Variants in RSRC1 observed in about 807,000 individuals in gnomAD.
RSRC1 encodes serine/Arginine-related protein 53.
A neutral mutation model predicts 49.1 loss-of-function variants in RSRC1; 39 were observed. The ratio of observed to expected loss-of-function variants is 0.79; its 90% CI spans 0.61 to 1.04. RSRC1 has a LOEUF of 1.04. Ranked by LOEUF, RSRC1 falls within the 50% of genes least tolerant of loss-of-function variation. The pLI is 0.00. For synonymous variants in RSRC1, 143 were observed against 130.8 expected, an observed-to-expected ratio of 1.09 and a Z score of -0.63; for missense variants, 388 against 402.4, an observed-to-expected ratio of 0.96 and a Z score of 0.31.
intron 6 of RSRC1, among the ~76,000 whole-genome samples, chr3:158,437,331 A>G (rs900420271): frequency 2.6e-5 from 4 of 152,090 alleles, no homozygotes; most frequent in Non-Finnish European, 4.4e-5. Flanking sequence ...ATAATGGTTA[A>G]TTTAGTAAGC....
At chr3:158,503,852 T>C (rs1472636152) in intron 7 of RSRC1, among the ~76,000 whole-genome samples, 1 of 152,182 alleles carries the variant, frequency 6.6e-6, no homozygotes, top group Non-Finnish European at 1.5e-5. Context: ...CTGTGGAGTC[T>C]GCACACGGGA....
chr3:158,445,955 G>A (rs1328496771), intron 6 of RSRC1, among the ~76,000 whole-genome samples: 1 of 151,894 alleles, frequency 6.6e-6, no homozygotes, highest in African/African-American at 2.4e-5. Flanking sequence ...ACAAAATCTT[G>A]ACCATATTCA....
intron 5 of RSRC1, among the ~76,000 whole-genome samples, chr3:158,343,942 C>T (rs1315679072): frequency 6.6e-6 from 1 of 151,876 alleles, no homozygotes; most frequent in East Asian, 1.9e-4. Context: ...AACTATAAAC[C>T]AACAGACCCA....
intron 6 of RSRC1, among the ~76,000 whole-genome samples, chr3:158,358,122 AT>A (rs1731258943): frequency 6.6e-6 from 1 of 152,226 alleles, no homozygotes; most frequent in African/African-American, 2.4e-5. Context: ...ATTTAAAAAA[AT>A]GTACCTATAG....
chr3:158,395,842 C>A (rs1733583150), intron 6 of RSRC1, among the ~76,000 whole-genome samples: 1 of 152,024 alleles, frequency 6.6e-6, no homozygotes, highest in South Asian at 2.1e-4. Flanking sequence ...ATTACCCATA[C>A]CCAAAGATAT....
At chr3:158,391,717 C>T (rs1733306890) in intron 6 of RSRC1, among the ~76,000 whole-genome samples, 1 of 151,962 alleles carries the variant, frequency 6.6e-6, no homozygotes, top group Non-Finnish European at 1.5e-5. Flanking sequence ...GTGCCCAGAA[C>T]CTAATCCAAA....
chr3:158,243,098 G>A (rs1426425082), intron 4 of RSRC1, among the ~76,000 whole-genome samples: 1 of 152,044 alleles, frequency 6.6e-6, no homozygotes, highest in African/African-American at 2.4e-5. Flanking sequence ...ATTGTTTTTG[G>A]TGTCTTTGTC....
In RSRC1 at chr3:158,226,785, T is replaced by A. The variant is rs115568519; in HGVS notation, c.494+23540T>A. On this transcript the variant is annotated intron_variant, in intron 4 of 9. Transcript: ENST00000611884. ...TCCCTTTTCTGTATCCACCCAGAGT[T>A]TCATCTTTTTAGACTGTCCATAACA... Among the ~76,000 whole-genome samples the A allele has an allele frequency of 7.6e-3, 1,162 of 151,984 alleles. 21 individuals are homozygous for A. The highest frequency in any genetic ancestry group is 0.026 in the African/African-American group (1,091 of 41,476).
chr3:158,455,302 T>C (rs751193861), intron 6 of RSRC1, among the ~76,000 whole-genome samples: 5 of 152,098 alleles, frequency 3.3e-5, no homozygotes, highest in African/African-American at 4.8e-5. Flanking sequence ...GGGATGAGGG[T>C]TGTTAAAGCC....
At chr3:158,537,048 C>A in intron 7 of RSRC1, 44 bp from the exon 8 acceptor site, 1 of 1,268,886 alleles carries the variant, frequency 7.9e-7, no homozygotes, top group Non-Finnish European at 1.2e-6. Flanking sequence ...GTGTTATTAA[C>A]ATGCTTACAC....
chr3:158,268,010 T>C (rs933381994), intron 4 of RSRC1, among the ~76,000 whole-genome samples: 2 of 152,142 alleles, frequency 1.3e-5, no homozygotes, highest in Admixed American at 6.5e-5. Context: ...CTGTCTAATA[T>C]TTCTGTACTG....
At chr3:158,407,478 T>C (rs1188254318) in intron 6 of RSRC1, among the ~76,000 whole-genome samples, 2 of 152,186 alleles carry the variant, frequency 1.3e-5, no homozygotes, top group Non-Finnish European at 1.5e-5. Flanking sequence ...AAGACCACAT[T>C]TGGCTAATAG....
intron 6 of RSRC1, among the ~76,000 whole-genome samples, chr3:158,438,457 G>C (rs925070410): frequency 6.6e-6 from 1 of 152,086 alleles, no homozygotes; most frequent in South Asian, 2.1e-4. Flanking sequence ...CGTGATACTG[G>C]TACCAAAACA....
intron 5 of RSRC1, among the ~76,000 whole-genome samples, chr3:158,337,517 A>G (rs1312357831): frequency 6.6e-6 from 1 of 152,214 alleles, no homozygotes; most frequent in African/African-American, 2.4e-5. Context: ...AATGATGATG[A>G]GTTCCTGCAA....
At chr3:158,369,898 AC>A (rs1731973845) in intron 6 of RSRC1, among the ~76,000 whole-genome samples, 1 of 152,102 alleles carries the variant, frequency 6.6e-6, no homozygotes, top group Non-Finnish European at 1.5e-5. Flanking sequence ...ATTTCTGGCA[AC>A]AAAAAGACAT....
intron 1 of RSRC1, among the ~76,000 whole-genome samples, chr3:158,119,743 C>G (rs1715122284): frequency 6.6e-6 from 1 of 150,660 alleles, no homozygotes; most frequent in African/African-American, 2.4e-5. Flanking sequence ...TACAGATATA[C>G]CTTATATACA....
intron 1 of RSRC1, among the ~76,000 whole-genome samples, chr3:158,113,561 G>A (rs1714568732): frequency 1.3e-5 from 2 of 151,978 alleles, no homozygotes; most frequent in South Asian, 4.2e-4. Context: ...TAGAAACAGG[G>A]TTTCACCATG....
chr3:158,430,234 T>G (rs1239442849), intron 6 of RSRC1, among the ~76,000 whole-genome samples: 1 of 151,810 alleles, frequency 6.6e-6, no homozygotes, highest in African/African-American at 2.4e-5. Flanking sequence ...TTTGCATCAT[T>G]TATCTTTCCA....
chr3:158,322,167 T>G (rs572184792), intron 5 of RSRC1, among the ~76,000 whole-genome samples: 12 of 152,310 alleles, frequency 7.9e-5, no homozygotes, highest in African/African-American at 2.9e-4. Flanking sequence ...TTTCTTGATT[T>G]TTTGTTTCTA....
Sources: gnomAD v4.1 joint callset for allele counts (sites outside exome capture counted in the v4.1 genomes callset) on GRCh38, gnomAD v4.1.1 for gene constraint, MANE v1.5 for transcripts, NCBI Gene and HGNC (gene_info 2026-07-23, HGNC 2026-07-21) for gene names.